PKD1: variants seen among roughly 807,000 people sequenced by gnomAD.
PKD1 encodes the protein polycystin 1, transient receptor potential channel interacting, also known as polycystin-1.
Under a neutral mutation model 361.7 loss-of-function variants are expected in PKD1, and 81 were observed. That is an observed-to-expected ratio of 0.22 (90% confidence interval 0.19 to 0.27). The LOEUF (loss-of-function observed/expected upper bound fraction) is 0.27. PKD1 is among the 10% of genes least tolerant of loss of function. The pLI is 1.00. For synonymous variants in PKD1, 3,615 were observed against 2,818.3 expected (o/e 1.28, Z -8.95); for missense variants, 6,399 against 6,118.3 (o/e 1.05, Z -1.53).
intron 1 of PKD1, among the ~76,000 whole-genome samples, chr16:2,132,856 C>T: frequency 6.7e-6 from 1 of 148,502 alleles, no homozygotes; most frequent in Middle Eastern, 3.2e-3. Flanking sequence ...CCGAGGCGGG[C>T]GGATCATCTG....
intron 1 of PKD1, 172 bp downstream of exon 1, chr16:2,135,303 G>A (rs2092937535): frequency 2.0e-6 from 2 of 985,124 alleles, no homozygotes; most frequent in African/African-American, 1.7e-5. Flanking sequence ...CCCCGGGGCC[G>A]TGCCAACCGC....
chr16:2,092,795 C>T (rs2091657536), intron 38 of PKD1, 159 bp downstream of exon 38: 8 of 928,924 alleles, frequency 8.6e-6, no homozygotes, highest in East Asian at 2.4e-5. Flanking sequence ...AGACACGGAC[C>T]TGTGTCCCTC....
At position 2,106,621 on chromosome 16, in the gene PKD1, T is replaced by G; in HGVS notation, c.7266A>C (p.Thr2422=). 6.3e-7 allele frequency: 1 copy of G among 1,598,616 alleles called. No homozygotes were observed. The highest frequency in any genetic ancestry group is 8.5e-7 in the Non-Finnish European group (1 of 1,179,094). Residue 2422 remains threonine (T), a synonymous_variant, in exon 18 of 46, where the codon ACA becomes ACC. Transcript: ENST00000262304. This position sits in a 1 kb window ranked among gnomAD's most constrained non-coding sequence, Gnocchi z 6.5. ...NKTLVLDETT[T]STGSAGMRLV... is the part of the protein sequence containing the mutation. Reference sequence around the variant, plus strand: ...GTCGCATGCCTGCACTGCCCGTGGATGTGGTGGTCTCATCCAGCACCAGCG... The same window carrying G: ...GTCGCATGCCTGCACTGCCCGTGGAGGTGGTGGTCTCATCCAGCACCAGCG...
intron 1 of PKD1, chr16:2,123,590 C>A: frequency 2.2e-6 from 1 of 451,418 alleles, no homozygotes; most frequent in South Asian, 1.6e-5. Context: ...GCTTCCTCTG[C>A]ACCCGCCAGG....
In PKD1 at chr16:2,090,013, T is replaced by G. The variant is rs936184410; in HGVS notation, c.12626A>C (p.Glu4209Ala). 1 of 1,610,054 alleles carries G rather than the reference T, an allele frequency of 6.2e-7. No individual in the cohort carries two copies. Among genetic ancestry groups the G allele is most frequent in the Non-Finnish European group, 8.5e-7 (1 of 1,178,946 alleles). The change falls in exon 46 of 46, where the codon GAG (glutamate) becomes GCG (alanine). Residue 4209 changes from glutamate to alanine, a missense_variant. By Grantham distance (107) the Glu-to-Ala change is moderately radical. Coordinates refer to ENST00000262304, the MANE Select transcript of PKD1 (RefSeq NM_001009944.3). ...GGCTTGGAGGCGGGAGGGCTCAGGCTCACACCTTGTCCCCAGCCGGCCCAG... is the reference window on the plus strand; with the variant it reads ...GGCTTGGAGGCGGGAGGGCTCAGGCGCACACCTTGTCCCCAGCCGGCCCAG... ...VSLGRLGTRC[E>A]PEPSRLQAVF... is the part of the protein sequence containing the mutation.
chr16:2,088,762 G>A lies in PKD1; in HGVS notation c.*965C>T. The A allele has an allele frequency of 9.0e-7, 1 of 1,113,546 alleles. No individual in the cohort carries two copies. Among genetic ancestry groups the A allele is most frequent in the Non-Finnish European group, 1.3e-6 (1 of 794,630 alleles). The allele number at this position is 1,113,546 out of a possible 1,614,324, so 69.0% of individuals were successfully genotyped here. On this transcript the variant is annotated 3_prime_UTR_variant, in exon 46 of 46. Coordinates refer to ENST00000262304, the MANE Select transcript of PKD1 (RefSeq NM_001009944.3). The stretch of plus-strand genomic sequence containing the variant: ...TGTCTGCTTGGTGCGGGGGTTGGGG[G>A]GGTGTCGAGGCTCTAGAAGCGGCCA...
chr16:2,110,724 C>A lies in PKD1; in HGVS notation c.4443G>T (p.Leu1481=). The A allele has an allele frequency of 1.2e-6, 2 of 1,610,274 alleles. No homozygotes were observed. The highest frequency in any genetic ancestry group is 4.5e-5 in the East Asian group (2 of 44,892). ...CAGCAGAGAACAGGTACGGCTGCTG[C>A]AGCTCCAGCCCAAGGGAGCCATTGA... ...IKVNGSLGLE[L]QQPYLFSAVG... is the part of the protein sequence containing the mutation. Residue 1481 remains leucine, a synonymous_variant, in exon 15 of 46, where the codon CTG becomes CTT. Coordinates refer to ENST00000262304, the MANE Select transcript of PKD1 (RefSeq NM_001009944.3).
In PKD1 at chr16:2,100,209, C is replaced by T. The variant is rs144817614; in HGVS notation, c.9669G>A (p.Thr3223=). ...FLVNDWLSVE[T]EANGGLVEKE... ...TCTCCACCAGGCCCCCGTTGGCCTC[C>T]GTCTCCACCGAAAGCCAGTCATTGA... The change falls in exon 28 of 46, where the codon ACG becomes ACA. Residue 3223 remains threonine, a synonymous_variant. Transcript: ENST00000262304. The surrounding 1 kb of genome is among the most constrained non-coding windows in gnomAD (Gnocchi z 4.4). The T allele has an allele frequency of 4.3e-3, 6,844 of 1,610,124 alleles. 99 individuals are homozygous for T. The highest frequency in any genetic ancestry group is 0.039 in the African/African-American group (2,918 of 74,972).
At chr16:2,116,699 G>C in intron 7 of PKD1, 55 bp from the exon 8 acceptor site, 2 of 1,221,424 alleles carry the variant, frequency 1.6e-6, no homozygotes, top group East Asian at 2.5e-5. Flanking sequence ...ACACCAGGAC[G>C]AACAGACTGG....
intron 37 of PKD1, 127 bp downstream of exon 37, chr16:2,093,417 C>T (rs1360705476): frequency 2.1e-5 from 19 of 914,612 alleles, no homozygotes; most frequent in Non-Finnish European, 2.8e-5. Flanking sequence ...GCAAAGGCTG[C>T]AGAGCATTGA....
chr16:2,122,945 C>A (rs1214928438), intron 1 of PKD1, among the ~76,000 whole-genome samples: 2 of 152,300 alleles, frequency 1.3e-5, no homozygotes, highest in East Asian at 3.9e-4. Context: ...GAAGGAAAAG[C>A]CTGAAGATGT....
chr16:2,089,768 G>A lies in PKD1; in HGVS notation c.12871C>T (p.Pro4291Ser), dbSNP rs1041724463. ...TGGACCTTGTTCTTGGCCCGAAGGG[G>A]TGTCCTGCTGGGGCCAGTGGCCAGG... ...VDLATGPSRTPLRAKNKVHPS... is the reference protein window; with the variant it reads ...VDLATGPSRTSLRAKNKVHPS... The change falls in exon 46 of 46, where the codon CCC becomes TCC. Residue 4291 changes from proline (P) to serine (S), a missense_variant. Coordinates refer to ENST00000262304, the MANE Select transcript of PKD1 (RefSeq NM_001009944.3). The A allele has an allele frequency of 6.3e-7, 1 of 1,596,196 alleles. No homozygotes were observed. Among genetic ancestry groups the A allele is most frequent in the Non-Finnish European group, 8.5e-7 (1 of 1,172,924 alleles).
intron 1 of PKD1, among the ~76,000 whole-genome samples, chr16:2,129,418 G>A (rs1460653863): frequency 1.3e-5 from 2 of 151,854 alleles, no homozygotes; most frequent in Non-Finnish European, 2.9e-5. Flanking sequence ...GTGAGGCACC[G>A]CGCCCGGCTG....
chr16:2,124,851 G>A lies in PKD1; in HGVS notation c.216-5473C>T, dbSNP rs1296776333. Among the ~76,000 whole-genome samples the A allele has an allele frequency of 3.3e-5, 5 of 152,282 alleles. No individual in the cohort carries two copies. In the East Asian group the frequency reaches 5.8e-4, roughly 18 times the overall value. The stretch of plus-strand genomic sequence containing the variant: ...GAGCTTATGTAACCGCTCCTCCCTC[G>A]GCAGGGGCAGGACAGGACGCCAGAC... On this transcript the variant is annotated intron_variant, in intron 1 of 45. Transcript: ENST00000262304.
chr16:2,117,614 G>A lies in PKD1; in HGVS notation c.1260C>T (p.Tyr420=). The A allele has an allele frequency of 1.2e-6, 2 of 1,610,484 alleles. No individual in the cohort carries two copies. Among genetic ancestry groups the A allele is most frequent in the Non-Finnish European group, 1.7e-6 (2 of 1,179,570 alleles). The change falls in exon 6 of 46, where the codon TAC becomes TAT. Residue 420 remains tyrosine, a synonymous_variant. Coordinates refer to ENST00000262304, the MANE Select transcript of PKD1 (RefSeq NM_001009944.3). The stretch of plus-strand genomic sequence containing the variant: ...AGGCCGCCTTCTCCACCACCAGGCG[G>A]TAGCAGTGCCCGTTGCCAGGGAAGA... ...TEIFPGNGHC[Y]RLVVEKAAWL... is the part of the protein sequence containing the mutation.
rs757107371 is a variant in PKD1 at position 2,117,526 on chromosome 16, G to T, written c.1348C>A (p.Pro450Thr). ...GAGACCAGGAAGCGCTGCACGGCGGGACTGTCCACCATTGCCAGGGCGGCC... is the reference window on the plus strand; with the variant it reads ...GAGACCAGGAAGCGCTGCACGGCGGTACTGTCCACCATTGCCAGGGCGGCC... ...AGAALAMVDS[P>T]AVQRFLVSRV... The change falls in exon 6 of 46, where the codon CCC (proline) becomes ACC (threonine). Residue 450 changes from proline (P) to threonine (T), a missense_variant. By Grantham distance (38) the Pro-to-Thr change is conservative. Coordinates refer to ENST00000262304, the MANE Select transcript of PKD1 (RefSeq NM_001009944.3). 287 of 1,590,262 alleles carry T rather than the reference G, an allele frequency of 1.8e-4. No individual in the cohort carries two copies. Among genetic ancestry groups the T allele is most frequent in the Non-Finnish European group, 2.3e-4 (271 of 1,169,566 alleles).
chr16:2,122,420 C>G (rs1404822098), intron 1 of PKD1, among the ~76,000 whole-genome samples: 15 of 152,212 alleles, frequency 9.9e-5, no homozygotes, highest in African/African-American at 2.4e-5. Context: ...CCACTTCCCC[C>G]CTAACTGAAC....
chr16:2,112,345 G>A lies in PKD1; in HGVS notation c.3290C>T (p.Ala1097Val), dbSNP rs759873124. 2.5e-6 allele frequency: 4 copies of A among 1,587,534 alleles called. No homozygotes were observed. Among genetic ancestry groups the A allele is most frequent in the East Asian group, 2.2e-5 (1 of 44,860 alleles). ...VEHNVMHTYA[A>V]PGEYLLTVLA... Reference sequence around the variant, plus strand: ...CTCACCCCCTCATCCCTCACCTGGGGCAGCGTAGGTGTGCATGACATTGTG... The same window carrying A: ...CTCACCCCCTCATCCCTCACCTGGGACAGCGTAGGTGTGCATGACATTGTG... Residue 1097 changes from alanine (A) to valine (V), a missense_variant, in exon 14 of 46, where the codon GCC becomes GTC. Physicochemically the swap from Ala to Val is moderately conservative, Grantham distance 64. Transcript: ENST00000262304.
intron 20 of PKD1, 162 bp downstream of exon 20, chr16:2,105,703 T>C (rs2092314233): frequency 1.0e-5 from 13 of 1,294,724 alleles, no homozygotes; most frequent in Non-Finnish European, 1.4e-5. Flanking sequence ...GCCCGGTGGG[T>C]GTGGCTGCTG....
Sources: allele counts gnomAD v4.1 joint callset (sites outside exome capture counted in the v4.1 genomes callset), GRCh38; gene constraint gnomAD v4.1.1; non-coding constraint Gnocchi (gnomAD v3.1); transcripts MANE v1.5; gene names NCBI Gene and HGNC (gene_info 2026-07-23, HGNC 2026-07-21).